Variants in CREB5 observed in about 807,000 individuals in gnomAD.
CREB5 encodes the protein cAMP responsive element binding protein 5.
A neutral mutation model predicts 57.1 loss-of-function variants in CREB5; 19 were observed. That is an observed-to-expected ratio of 0.33 (90% CI 0.23 to 0.49). The LOEUF is 0.49. CREB5 is among the 20% of genes least tolerant of loss of function. CREB5 has a pLI of 0.99. For synonymous variants in CREB5, 238 were observed against 238.3 expected, an observed-to-expected ratio of 1.00 and a Z score of 0.01; for missense variants, 579 against 671.6, an observed-to-expected ratio of 0.86 and a Z score of 1.52.
intron 7 of CREB5, among the ~76,000 whole-genome samples, chr7:28,756,886 G>T (rs746799133): frequency 6.6e-6 from 1 of 152,128 alleles, no homozygotes; most frequent in Non-Finnish European, 1.5e-5. Context: ...ATTTTTGCAG[G>T]GTGTTTAAAT....
At chr7:28,376,271 C>CTTTT (rs11386292) in intron 1 of CREB5, among the ~76,000 whole-genome samples, 2 of 130,576 alleles carry the variant, frequency 1.5e-5, no homozygotes, top group Admixed American at 8.0e-5. Flanking sequence ...CAGAGAAGTA[C>CTTTT]TTTTTTTTTT....
intron 5 of CREB5, among the ~76,000 whole-genome samples, chr7:28,612,203 A>G (rs1323431618): frequency 3.3e-5 from 5 of 152,114 alleles, no homozygotes; most frequent in African/African-American, 1.2e-4. Flanking sequence ...CAGGTAAAAA[A>G]TCATTTCTCT....
intron 7 of CREB5, among the ~76,000 whole-genome samples, chr7:28,790,325 A>G (rs1807589120): frequency 6.6e-6 from 1 of 152,124 alleles, no homozygotes; most frequent in African/African-American, 2.4e-5. Flanking sequence ...AAAGCATGCA[A>G]TATGTGGTGT....
chr7:28,725,648 A>ATT lies in CREB5; in HGVS notation c.702+1316_702+1317insTT, dbSNP rs1365096943. ...AGTAATGCCATATATCTTTTTTTAA[A>ATT]AAAAAAAAAAAAAAGAAAGAAAGAA... On this transcript the variant is annotated intron_variant, in intron 7 of 10. Transcript: ENST00000357727. 1.8e-3 allele frequency among the ~76,000 whole-genome samples: 267 copies of ATT among 149,830 alleles called. 2 individuals carry two copies. The highest frequency in any genetic ancestry group is 1.5e-3 in the Non-Finnish European group (103 of 67,324).
In CREB5 at chr7:28,809,282, G is replaced by C. The variant is rs138419241; in HGVS notation, c.1122G>C (p.Pro374=). The C allele has an allele frequency of 4.3e-6, 7 of 1,614,146 alleles. No homozygotes were observed. Among genetic ancestry groups the C allele is most frequent in the Non-Finnish European group, 5.9e-6 (7 of 1,180,034 alleles). ...GGCGAAGGGTGGTAGACGAGGATCC[G>C]GACGAGAGGCGGCGGAAATTTCTGG... The part of the protein sequence containing the change: ...GRRRRVVDED[P]DERRRKFLER... The change falls in exon 9 of 11, where the codon CCG becomes CCC. Residue 374 remains proline (P), a synonymous_variant. Transcript: ENST00000357727.
At chr7:28,509,998 C>T (rs896142165) in intron 4 of CREB5, among the ~76,000 whole-genome samples, 7 of 152,170 alleles carry the variant, frequency 4.6e-5, no homozygotes, top group African/African-American at 9.7e-5. Flanking sequence ...CATGGTTACA[C>T]GAGAGGGCAT....
chr7:28,663,163 C>G (rs1035236398), intron 5 of CREB5, among the ~76,000 whole-genome samples: 1 of 150,820 alleles, frequency 6.6e-6, no homozygotes, highest in South Asian at 2.1e-4. Context: ...AAAGAAAGAT[C>G]GAAATGTTCC....
intron 7 of CREB5, among the ~76,000 whole-genome samples, chr7:28,766,540 A>T (rs1264113103): frequency 1.3e-5 from 2 of 152,204 alleles, no homozygotes; most frequent in Non-Finnish European, 2.9e-5. Flanking sequence ...ATTTAAACAG[A>T]TCTCTCAAAT....
chr7:28,770,065 C>T (rs1171516562), intron 7 of CREB5, among the ~76,000 whole-genome samples: 2 of 152,166 alleles, frequency 1.3e-5, no homozygotes, highest in African/African-American at 2.4e-5. Flanking sequence ...TGGAGCAGGC[C>T]CCTACAACAA....
intron 5 of CREB5, among the ~76,000 whole-genome samples, chr7:28,610,355 A>G (rs976848778): frequency 6.6e-6 from 1 of 152,164 alleles, no homozygotes; most frequent in Non-Finnish European, 1.5e-5. Flanking sequence ...CCACAATTCA[A>G]TTATAAGCAC....
At chr7:28,669,863 C>T (rs1291502193) in intron 5 of CREB5, among the ~76,000 whole-genome samples, 1 of 152,210 alleles carries the variant, frequency 6.6e-6, no homozygotes, top group Admixed American at 6.5e-5. Flanking sequence ...ATGTAACTCT[C>T]AGCTCAAAGC....
chr7:28,655,333 A>G (rs1473795104), intron 5 of CREB5, among the ~76,000 whole-genome samples: 1 of 152,234 alleles, frequency 6.6e-6, no homozygotes, highest in African/African-American at 2.4e-5. Flanking sequence ...AAGGCTGGGC[A>G]TGGTGGCTCA....
intron 7 of CREB5, among the ~76,000 whole-genome samples, chr7:28,725,659 A>G (rs567272457): frequency 0.015 from 2,260 of 148,300 alleles, 30 homozygotes; most frequent in Non-Finnish European, 0.023. Flanking sequence ...AAAAAAAAAA[A>G]AAAGAAAGAA....
At chr7:28,692,556 C>T (rs1342416096) in intron 5 of CREB5, among the ~76,000 whole-genome samples, 1 of 152,190 alleles carries the variant, frequency 6.6e-6, no homozygotes, top group Admixed American at 6.5e-5. Flanking sequence ...GTGACTTTGA[C>T]AAACCACTTC....
chr7:28,628,573 G>T (rs1444055616), intron 5 of CREB5, among the ~76,000 whole-genome samples: 3 of 152,146 alleles, frequency 2.0e-5, no homozygotes, highest in Non-Finnish European at 4.4e-5. Flanking sequence ...AGTGGCAGAA[G>T]AAAGTGTAAA....
At chr7:28,750,758 C>T (rs767299350) in intron 7 of CREB5, among the ~76,000 whole-genome samples, 11 of 152,056 alleles carry the variant, frequency 7.2e-5, no homozygotes, top group Non-Finnish European at 1.3e-4. Flanking sequence ...GAAACTATTA[C>T]ACCTAATTAG....
intron 1 of CREB5, among the ~76,000 whole-genome samples, chr7:28,381,015 G>C (rs571878627): frequency 6.6e-6 from 1 of 152,228 alleles, no homozygotes; most frequent in African/African-American, 2.4e-5. Flanking sequence ...CTAGGGGGCA[G>C]GTGGTTTGTT....
chr7:28,561,025 CGTGT>C (rs79113344), intron 4 of CREB5, among the ~76,000 whole-genome samples: 2,371 of 49,688 alleles, frequency 0.048, 424 homozygotes, highest in Middle Eastern at 0.08. Context: ...TGCGTGTGTG[CGTGT>C]GTGTGTGTGT....
chr7:28,729,590 G>C (rs781761630), intron 7 of CREB5, among the ~76,000 whole-genome samples: 6 of 152,170 alleles, frequency 3.9e-5, no homozygotes, highest in Non-Finnish European at 5.9e-5. Flanking sequence ...AGATGGAGTT[G>C]CCTGGAAAGC....
Sources: allele counts gnomAD v4.1 joint callset (sites outside exome capture counted in the v4.1 genomes callset), GRCh38; gene constraint gnomAD v4.1.1; transcripts MANE v1.5; gene names NCBI Gene and HGNC (gene_info 2026-07-23, HGNC 2026-07-21).